COL24A1: variants seen among roughly 807,000 people sequenced by gnomAD.
COL24A1 encodes collagen alpha-1(XXIV) chain.
In COL24A1, 224 loss-of-function variants were observed where a neutral mutation model predicts 253.9. The observed-to-expected ratio is 0.88, with a 90% CI of 0.79 to 0.99. COL24A1 has a LOEUF of 0.99. Ranked by LOEUF, COL24A1 falls within the 50% of genes least tolerant of loss-of-function variation. The pLI is 0.00. For synonymous variants in COL24A1, 685 were observed against 673.7 expected (o/e 1.02, Z -0.26); for missense variants, 2,131 against 2,068.5 (o/e 1.03, Z -0.59).
chr1:85,945,319 G>A (rs1166581108), intron 24 of COL24A1, among the ~76,000 whole-genome samples: 1 of 151,206 alleles, frequency 6.6e-6, no homozygotes, highest in Non-Finnish European at 1.5e-5. Flanking sequence ...GCGCCCGGCC[G>A]AGAAGAGATT....
intron 24 of COL24A1, among the ~76,000 whole-genome samples, chr1:85,948,508 A>C (rs1689558367): frequency 7.8e-6 from 1 of 128,212 alleles, no homozygotes; most frequent in Admixed American, 9.3e-5. Flanking sequence ...TGGGCGACAG[A>C]GCGAGACTCC....
chr1:85,938,813 C>G (rs12742187), intron 24 of COL24A1, among the ~76,000 whole-genome samples: 32,353 of 150,356 alleles, frequency 0.22, 6,184 homozygotes, highest in Non-Finnish European at 0.26. Flanking sequence ...ACAGTGACTG[C>G]TTGGAGTAAA....
chr1:86,074,568 G>C (rs12744064), intron 7 of COL24A1, among the ~76,000 whole-genome samples: 22,589 of 152,034 alleles, frequency 0.15, 1,806 homozygotes, highest in Middle Eastern at 0.2. Context: ...AATTAATAAG[G>C]ATATTTAGGA....
chr1:85,765,790 G>A (rs1200581511), intron 53 of COL24A1, among the ~76,000 whole-genome samples: 1 of 151,914 alleles, frequency 6.6e-6, no homozygotes, highest in Non-Finnish European at 1.5e-5. Flanking sequence ...TATCATTTCT[G>A]CTATAAGTTA....
At chr1:86,065,317 C>T (rs1408381428) in intron 7 of COL24A1, among the ~76,000 whole-genome samples, 1 of 152,132 alleles carries the variant, frequency 6.6e-6, no homozygotes, top group Non-Finnish European at 1.5e-5. Flanking sequence ...GAGTTAGTTT[C>T]CTCCCTAGCC....
intron 45 of COL24A1, among the ~76,000 whole-genome samples, chr1:85,820,825 A>AT: frequency 6.6e-6 from 1 of 152,298 alleles, no homozygotes; most frequent in East Asian, 1.9e-4. Flanking sequence ...GCTTCTGTTC[A>AT]TTGGGACTGT....
At chr1:86,057,078 T>C (rs1174128395) in intron 10 of COL24A1, among the ~76,000 whole-genome samples, 2 of 152,166 alleles carry the variant, frequency 1.3e-5, no homozygotes, top group Non-Finnish European at 2.9e-5. Context: ...AGGTGTGGCC[T>C]GGTGGGAAGT....
At chr1:86,111,774 C>A (rs1386366530) in intron 5 of COL24A1, among the ~76,000 whole-genome samples, 1 of 152,054 alleles carries the variant, frequency 6.6e-6, no homozygotes, top group Non-Finnish European at 1.5e-5. Flanking sequence ...AGCGAGACCA[C>A]GAACCCACCG....
intron 7 of COL24A1, among the ~76,000 whole-genome samples, chr1:86,071,709 T>C (rs1204368924): frequency 6.6e-6 from 1 of 152,150 alleles, no homozygotes; most frequent in Non-Finnish European, 1.5e-5. Flanking sequence ...ATTGTAAATA[T>C]ATATGCACTA....
chr1:85,876,147 A>T (rs1681141393), intron 33 of COL24A1, among the ~76,000 whole-genome samples: 2 of 152,172 alleles, frequency 1.3e-5, no homozygotes, highest in Non-Finnish European at 2.9e-5. Flanking sequence ...ACCGGCAACA[A>T]GTAGAAGATG....
intron 53 of COL24A1, among the ~76,000 whole-genome samples, chr1:85,775,226 G>T (rs908633240): frequency 1.3e-5 from 2 of 152,152 alleles, no homozygotes; most frequent in African/African-American, 2.4e-5. Context: ...TTGCAGTGTT[G>T]TCTGAGAGAC....
Position 85,849,366 on chromosome 1 carries a change from C to T in COL24A1, c.3341G>A (p.Arg1114His), listed in dbSNP as rs367868461. 184 of 1,612,166 alleles carry T rather than the reference C, an allele frequency of 1.1e-4. No individual in the cohort carries two copies. Among genetic ancestry groups the T allele is most frequent in the Non-Finnish European group, 1.4e-4 (170 of 1,179,072 alleles). ...GTAAAAAATTACCTTTTTTCCTGGA[C>T]GACCTCTTTGCCCTGGAATTCCCAC... ...GIVGIPGQRGRPGKKGDKGQI... is the reference protein window; with the variant it reads ...GIVGIPGQRGHPGKKGDKGQI... Residue 1114 changes from arginine (R) to histidine (H), a missense_variant, in exon 38 of 60, where the codon CGT becomes CAT. Physicochemically the swap from Arg to His is conservative, Grantham distance 29. Transcript: ENST00000370571.
chr1:85,953,528 T>A (rs891868826), intron 24 of COL24A1, among the ~76,000 whole-genome samples: 1 of 152,236 alleles, frequency 6.6e-6, no homozygotes, highest in Non-Finnish European at 1.5e-5. Flanking sequence ...GATCAAGTCT[T>A]ACTTTACTGT....
intron 10 of COL24A1, among the ~76,000 whole-genome samples, chr1:86,054,122 A>G (rs1268698927): frequency 6.6e-6 from 1 of 152,086 alleles, no homozygotes; most frequent in Non-Finnish European, 1.5e-5. Flanking sequence ...CCTACCTCTG[A>G]CTGAGTTAAT....
intron 24 of COL24A1, among the ~76,000 whole-genome samples, chr1:85,927,053 A>C (rs1687337291): frequency 6.6e-6 from 1 of 152,194 alleles, no homozygotes. Context: ...CAAAGGGTTA[A>C]GAATGTGTGT....
intron 37 of COL24A1, among the ~76,000 whole-genome samples, chr1:85,867,232 GA>G (rs1211126483): frequency 3.3e-5 from 5 of 151,838 alleles, no homozygotes; most frequent in Non-Finnish European, 7.4e-5. Flanking sequence ...GAGAAGGACA[GA>G]AAAAAAAGCT....
At chr1:85,906,037 T>C (rs1458765317) in intron 28 of COL24A1, among the ~76,000 whole-genome samples, 1 of 152,020 alleles carries the variant, frequency 6.6e-6, no homozygotes, top group African/African-American at 2.4e-5. Context: ...TTTTTTATTT[T>C]ATTTTAAATC....
chr1:86,135,097 T>C (rs1044373142), intron 2 of COL24A1, among the ~76,000 whole-genome samples: 1 of 152,016 alleles, frequency 6.6e-6, no homozygotes, highest in Non-Finnish European at 1.5e-5. Flanking sequence ...CCTTTACCAT[T>C]ACGTAATGGC....
At chr1:85,978,223 A>T (rs1446064876) in intron 20 of COL24A1, among the ~76,000 whole-genome samples, 1 of 152,148 alleles carries the variant, frequency 6.6e-6, no homozygotes, top group East Asian at 1.9e-4. Context: ...AACTGCTAAA[A>T]TGAGTTCTAA....
Sources: allele counts gnomAD v4.1 joint callset (sites outside exome capture counted in the v4.1 genomes callset), GRCh38; gene constraint gnomAD v4.1.1; transcripts MANE v1.5; gene names NCBI Gene and HGNC (gene_info 2026-07-23, HGNC 2026-07-21).